PGPEP1: variants seen among roughly 807,000 people sequenced by gnomAD.
The protein encoded by PGPEP1 is pyroglutamyl-peptidase I.
PGPEP1 carries 15 observed loss-of-function variants against 24.1 expected under a neutral mutation model. The ratio of observed to expected loss-of-function variants is 0.62; its 90% CI spans 0.42 to 0.96. The LOEUF (loss-of-function observed/expected upper bound fraction) is 0.96. Among genes scored for constraint, PGPEP1 ranks in the 40% least tolerant of loss-of-function variants. The probability of loss-of-function intolerance (pLI) is 0.00; values close to 1 mark genes in which losing one functional copy is unlikely to be tolerated. For synonymous variants in PGPEP1, 122 were observed against 116.4 expected, an observed-to-expected ratio of 1.05 and a Z score of -0.31; for missense variants, 242 against 273.4, an observed-to-expected ratio of 0.89 and a Z score of 0.81.
intron 4 of PGPEP1, among the ~76,000 whole-genome samples, chr19:18,362,992 C>G (rs1971387625): frequency 4.0e-5 from 6 of 151,654 alleles, no homozygotes; most frequent in Admixed American, 2.6e-4. Context: ...CCCATTTCCC[C>G]ACATGTGCCA....
chr19:18,348,186 G>A lies in PGPEP1; in HGVS notation c.87+5275G>A, dbSNP rs180978332. Among the ~76,000 whole-genome samples, 30 of 152,256 alleles carry A rather than the reference G, an allele frequency of 2.0e-4. 1 individual carries two copies. Among genetic ancestry groups the A allele is most frequent in the Middle Eastern group, 3.4e-3 (1 of 294 alleles). On this transcript the variant is annotated intron_variant, in intron 2 of 4. Transcript: ENST00000269919. ...ACTGGCTGTGTTTCTCTTCCGAGGA[G>A]GTGCAGGTGGGTGTTAAGGGCTGGG... is the stretch of plus-strand genomic sequence containing the variant.
chr19:18,349,661 T>C (rs530349200), intron 2 of PGPEP1, among the ~76,000 whole-genome samples: 2 of 152,092 alleles, frequency 1.3e-5, no homozygotes, highest in South Asian at 4.1e-4. Flanking sequence ...ATGCGATGAG[T>C]TTTTTGCATA....
intron 1 of PGPEP1, among the ~76,000 whole-genome samples, chr19:18,341,447 A>G (rs1970669570): frequency 6.6e-6 from 1 of 152,198 alleles, no homozygotes; most frequent in African/African-American, 2.4e-5. Context: ...CCTCAGAGTC[A>G]AGGAGTGGGG....
chr19:18,359,539 G>A lies in PGPEP1; in HGVS notation c.437+1924G>A, dbSNP rs533570865. Among the ~76,000 whole-genome samples, 9 of 140,202 alleles carry A rather than the reference G, an allele frequency of 6.4e-5. No homozygotes were observed. The South Asian group carries it at 1.1e-3, about 17-fold the overall frequency. 92.0% of individuals were successfully genotyped at this position (140,202 alleles called of 152,430 possible). A position where few individuals can be genotyped will look rare whatever the true frequency, so the allele number is the denominator to read the frequency against. The stretch of plus-strand genomic sequence containing the variant: ...TTTTTTTTTTTTGAGATGGAGTCTC[G>A]CTCTGTAGCACAGGCTGGAGTGCAT... On this transcript the variant is annotated intron_variant, in intron 4 of 4. Coordinates refer to ENST00000269919, the MANE Select transcript of PGPEP1 (RefSeq NM_017712.4).
chr19:18,342,772 C>A, intron 1 of PGPEP1, 87 bp from the exon 2 acceptor site: 1 of 1,025,500 alleles, frequency 9.8e-7, no homozygotes, highest in Non-Finnish European at 1.5e-6. Context: ...TCCTTTCTTG[C>A]TTCTCCAGGT....
chr19:18,341,363 C>A (rs569451617), intron 1 of PGPEP1, among the ~76,000 whole-genome samples: 4 of 152,178 alleles, frequency 2.6e-5, no homozygotes, highest in Non-Finnish European at 5.9e-5. Flanking sequence ...GACTCCCCCC[C>A]ACCCCCAAAC....
intron 2 of PGPEP1, among the ~76,000 whole-genome samples, chr19:18,344,624 C>T (rs988228360): frequency 5.4e-5 from 8 of 146,808 alleles, no homozygotes; most frequent in South Asian, 2.1e-4. Flanking sequence ...ACTTCGTGAA[C>T]GGGATGGAGG....
intron 4 of PGPEP1, 30 bp from the exon 5 acceptor site, chr19:18,363,357 GTCTC>G: frequency 1.9e-6 from 3 of 1,573,692 alleles, no homozygotes; most frequent in Non-Finnish European, 2.6e-6. Flanking sequence ...CCCCGTTTTG[GTCTC>G]TCTCTTACCC....
At chr19:18,359,528 G>A (rs1195486351) in intron 4 of PGPEP1, among the ~76,000 whole-genome samples, 1 of 136,026 alleles carries the variant, frequency 7.4e-6, no homozygotes, top group African/African-American at 2.8e-5. Context: ...TTTTTTTTGA[G>A]ATGGAGTCTC....
chr19:18,340,796 G>A, intron 1 of PGPEP1, 81 bp downstream of exon 1: 1 of 1,051,716 alleles, frequency 9.5e-7, no homozygotes, highest in Non-Finnish European at 1.3e-6. Flanking sequence ...GGCCGAGAGG[G>A]GCAGGTGCTG....
chr19:18,365,066 C>T lies in PGPEP1; in HGVS notation c.*1483C>T, dbSNP rs931196900. The stretch of plus-strand genomic sequence containing the variant: ...ATGTAGATTGCTTTTGGACACTCGC[C>T]CAGGAGTCAGGAGTTGATTTTTATC... On this transcript the variant is annotated 3_prime_UTR_variant, in exon 5 of 5. Coordinates refer to ENST00000269919, the MANE Select transcript of PGPEP1 (RefSeq NM_017712.4). The T allele has an allele frequency of 6.6e-6, 1 of 151,948 alleles. No individual in the cohort carries two copies. 9.4% of individuals were successfully genotyped at this position (151,948 alleles called of 1,614,324 possible).
rs1437801138 is a variant in PGPEP1, at chr19:18,369,097, G to A, written c.*5514G>A. 6.6e-6 allele frequency: 1 copy of A among 152,342 alleles called. No individual in the cohort carries two copies. Among genetic ancestry groups the A allele is most frequent in the Non-Finnish European group, 1.5e-5 (1 of 68,136 alleles). The allele number at this position is 152,342 out of a possible 1,614,324, so 9.4% of individuals were successfully genotyped here. A position where few individuals can be genotyped will look rare whatever the true frequency, so the allele number is the denominator to read the frequency against. On this transcript the variant is annotated 3_prime_UTR_variant, in exon 5 of 5. Transcript: ENST00000269919. Reference sequence around the variant, plus strand: ...TGGGGTTCCACTTAGACCCTTGGCAGAATGGCTGTTGAGGGGCAGGCGCTG... The same window carrying A: ...TGGGGTTCCACTTAGACCCTTGGCAAAATGGCTGTTGAGGGGCAGGCGCTG...
At chr19:18,350,060 ACT>A (rs887968286) in intron 2 of PGPEP1, among the ~76,000 whole-genome samples, 6 of 150,020 alleles carry the variant, frequency 4.0e-5, no homozygotes, top group African/African-American at 1.5e-4. Flanking sequence ...ACACAGCGAG[ACT>A]CTAGCTGGAG....
intron 2 of PGPEP1, among the ~76,000 whole-genome samples, chr19:18,346,554 G>A (rs542486048): frequency 6.7e-6 from 1 of 149,504 alleles, no homozygotes; most frequent in East Asian, 2.0e-4. Flanking sequence ...TCATATCTGT[G>A]TCTCTCTTCA....
chr19:18,348,358 G>C (rs529340252), intron 2 of PGPEP1, among the ~76,000 whole-genome samples: 52 of 152,356 alleles, frequency 3.4e-4, no homozygotes, highest in African/African-American at 1.0e-3. Context: ...AGGGAACAAA[G>C]AGGGTCTTTG....
intron 4 of PGPEP1, among the ~76,000 whole-genome samples, chr19:18,362,638 GA>G (rs747675280): frequency 1.5e-4 from 22 of 148,242 alleles, no homozygotes; most frequent in South Asian, 1.1e-3. Flanking sequence ...TGAAGCAGGA[GA>G]ATCACTTGAG....
intron 2 of PGPEP1, among the ~76,000 whole-genome samples, chr19:18,351,628 A>T (rs945161933): frequency 4.6e-5 from 7 of 151,114 alleles, no homozygotes; most frequent in African/African-American, 1.7e-4. Flanking sequence ...CCGTCTCAAA[A>T]AAAAAAAAAA....
intron 2 of PGPEP1, among the ~76,000 whole-genome samples, chr19:18,354,961 CTTTTTTTTTT>C (rs761843314): frequency 1.1e-5 from 1 of 94,716 alleles, no homozygotes; most frequent in Non-Finnish European, 2.0e-5. Context: ...TAAGTCGATA[CTTTTTTTTTT>C]TTTTTTTTTT....
At chr19:18,340,795 G>A (rs1461950938) in intron 1 of PGPEP1, 80 bp downstream of exon 1, 1 of 1,075,556 alleles carries the variant, frequency 9.3e-7, no homozygotes, top group Non-Finnish European at 1.2e-6. Context: ...GGGCCGAGAG[G>A]GGCAGGTGCT....
Sources: allele counts gnomAD v4.1 joint callset (sites outside exome capture counted in the v4.1 genomes callset), GRCh38; gene constraint gnomAD v4.1.1; transcripts MANE v1.5; gene names NCBI Gene and HGNC (gene_info 2026-07-23, HGNC 2026-07-21).